The following TNFAIP6 variants were observed in gnomAD, a reference collection of about 807,000 sequenced individuals.
The protein encoded by TNFAIP6 is TNF alpha induced protein 6.
In TNFAIP6, 36 loss-of-function variants were observed where a neutral mutation model predicts 33.7. That is an observed-to-expected ratio of 1.07 (90% CI 0.82 to 1.41). TNFAIP6 has a LOEUF of 1.41. TNFAIP6 is among the 40% of genes most tolerant of loss of function. TNFAIP6 has a pLI of 0.00. For missense variants in TNFAIP6, 273 were observed against 331.9 expected, an observed-to-expected ratio of 0.82 and a Z score of 1.38; for synonymous variants, 113 against 112.8, an observed-to-expected ratio of 1.00 and a Z score of -0.01.
chr2:151,380,162 G>A (rs1417828147), downstream of TNFAIP6: 1 of 152,074 alleles, frequency 6.6e-6, no homozygotes, highest in Non-Finnish European at 1.5e-5. Flanking sequence ...AGGCCTCACT[G>A]TAGTTTGAAT....
At chr2:151,360,961 G>A (rs1233609745) in intron 1 of TNFAIP6, among the ~76,000 whole-genome samples, 1 of 152,062 alleles carries the variant, frequency 6.6e-6, no homozygotes, top group Non-Finnish European at 1.5e-5. Flanking sequence ...TAACAAACCT[G>A]CACATGTACC....
chr2:151,363,300 C>A, intron 1 of TNFAIP6, among the ~76,000 whole-genome samples: 1 of 150,822 alleles, frequency 6.6e-6, no homozygotes, highest in East Asian at 2.0e-4. Context: ...AGTGAGACTC[C>A]GTCTCACAAA....
At chr2:151,361,259 A>G (rs759705029) in intron 1 of TNFAIP6, among the ~76,000 whole-genome samples, 47 of 152,032 alleles carry the variant, frequency 3.1e-4, no homozygotes, top group Non-Finnish European at 4.0e-4. Flanking sequence ...TATTTTTAAT[A>G]GAGATGGGGT....
rs184021947 is a variant in TNFAIP6, at chr2:151,358,736, G to A, written c.94+976G>A. On this transcript the variant is annotated intron_variant, in intron 1 of 5. Transcript: ENST00000243347. ...TCTCTGGTAATAACTGCAACCATGC[G>A]GATTTCATTAAAAAGCCTAATTTGT... is the stretch of plus-strand genomic sequence containing the variant. Among the ~76,000 whole-genome samples the A allele has an allele frequency of 6.2e-3, 942 of 152,196 alleles. 4 individuals are homozygous for A. The highest frequency in any genetic ancestry group is 0.02 in the Middle Eastern group (6 of 294).
chr2:151,363,982 G>A lies in TNFAIP6; in HGVS notation c.134G>A (p.Gly45Asp), dbSNP rs148912042. 1.2e-6 allele frequency: 2 copies of A among 1,613,936 alleles called. No individual in the cohort carries two copies. Among genetic ancestry groups the A allele is most frequent in the African/African-American group, 1.3e-5 (1 of 74,908 alleles). Residue 45 changes from glycine (G) to aspartate (D), a missense_variant, in exon 2 of 6, where the codon GGC (glycine) becomes GAC (aspartate). Coordinates refer to ENST00000243347, the MANE Select transcript of TNFAIP6 (RefSeq NM_007115.4). ...GTGTACCACAGAGAAGCACGGTCTGGCAAATACAAGCTCACCTACGCAGAA... is the reference window on the plus strand; with the variant it reads ...GTGTACCACAGAGAAGCACGGTCTGACAAATACAAGCTCACCTACGCAGAA... ...AGVYHREARSGKYKLTYAEAK... is the reference protein window; with the variant it reads ...AGVYHREARSDKYKLTYAEAK...
chr2:151,381,133 A>G (rs947835724), downstream of TNFAIP6, among the ~76,000 whole-genome samples: 5 of 151,976 alleles, frequency 3.3e-5, no homozygotes, highest in African/African-American at 1.2e-4. Flanking sequence ...TTCTCCTTCC[A>G]TCTTCCCTCT....
chr2:151,360,206 A>G (rs3843342), intron 1 of TNFAIP6, among the ~76,000 whole-genome samples: 148,459 of 152,292 alleles, frequency 0.97, 72,473 homozygotes, highest in East Asian at 1. Flanking sequence ...GCTGAAGTGG[A>G]AGGATCACTT....
chr2:151,373,269 T>C (rs1201802465), intron 4 of TNFAIP6, among the ~76,000 whole-genome samples: 1 of 152,138 alleles, frequency 6.6e-6, no homozygotes, highest in Non-Finnish European at 1.5e-5. Flanking sequence ...GAGCCGAGAC[T>C]GCGCCACTGC....
At chr2:151,359,470 G>A (rs1684588122) in intron 1 of TNFAIP6, among the ~76,000 whole-genome samples, 1 of 147,592 alleles carries the variant, frequency 6.8e-6, no homozygotes, top group Admixed American at 6.9e-5. Context: ...CTCACTCCAA[G>A]CTCCGCCTCC....
At chr2:151,374,585 T>C (rs1181579281) in intron 5 of TNFAIP6, among the ~76,000 whole-genome samples, 1 of 152,184 alleles carries the variant, frequency 6.6e-6, no homozygotes, top group African/African-American at 2.4e-5. Flanking sequence ...CAATTCTAAT[T>C]TATTCGTCAT....
chr2:151,369,998 G>GT (rs746822731), intron 3 of TNFAIP6, 22 bp from the exon 4 acceptor site: 46 of 1,558,338 alleles, frequency 3.0e-5, no homozygotes, highest in Non-Finnish European at 3.6e-5. Flanking sequence ...GGGTTTTTAC[G>GT]TTTTTTTTCT....
chr2:151,364,811 G>A lies in TNFAIP6; in HGVS notation c.232+731G>A, dbSNP rs1021010529. 5.9e-5 allele frequency among the ~76,000 whole-genome samples: 9 copies of A among 152,144 alleles called. No homozygotes were observed. In the South Asian group the frequency reaches 6.2e-4, roughly 11 times the overall value. ...ATTACTCAAGAAAAAAAATAAGAGT[G>A]TTTTCTCAAATGCCCCAAAGCCTCC... On this transcript the variant is annotated intron_variant, in intron 2 of 5. Transcript: ENST00000243347.
chr2:151,359,592 G>C (rs191680858), intron 1 of TNFAIP6, among the ~76,000 whole-genome samples: 4 of 152,098 alleles, frequency 2.6e-5, no homozygotes, highest in African/African-American at 9.7e-5. Context: ...GTTTCACCAT[G>C]TTAGCCAGGG....
chr2:151,363,283 G>A (rs572116661), intron 1 of TNFAIP6, among the ~76,000 whole-genome samples: 4 of 151,754 alleles, frequency 2.6e-5, no homozygotes, highest in Admixed American at 2.6e-4. Flanking sequence ...ACCAGCCTGG[G>A]CGACAGAGTG....
intron 4 of TNFAIP6, 74 bp from the exon 5 acceptor site, chr2:151,373,475 A>G (rs1684849847): frequency 1.3e-6 from 1 of 770,572 alleles, no homozygotes; most frequent in African/African-American, 1.8e-5. Context: ...AGGCTTAATT[A>G]TCAGTAACAG....
At chr2:151,373,480 T>TA (rs1317047305) in intron 4 of TNFAIP6, 69 bp from the exon 5 acceptor site, 2 of 851,592 alleles carry the variant, frequency 2.3e-6, no homozygotes, top group African/African-American at 3.5e-5. Context: ...TAATTATCAG[T>TA]AACAGCCACT....
Position 151,379,556 on chromosome 2 carries a change from AAC to A in TNFAIP6, c.*29_*30del. On this transcript the variant is annotated 3_prime_UTR_variant, in exon 6 of 6. Transcript: ENST00000243347. ...TAAAAAAAAAAAAAAGGATGATCAA[AAC>A]ACACAGTGTTTATGTTGGAATCTTT... 6.7e-7 allele frequency: 1 copy of A among 1,495,360 alleles called. No homozygotes were observed. Among genetic ancestry groups the A allele is most frequent in the Admixed American group, 2.3e-5 (1 of 43,854 alleles). The allele number at this position is 1,495,360 out of a possible 1,614,324, so 92.6% of individuals were successfully genotyped here.
chr2:151,370,318 C>G (rs925703959), intron 4 of TNFAIP6, 70 bp downstream of exon 4: 1 of 1,106,744 alleles, frequency 9.0e-7, no homozygotes, highest in African/African-American at 1.6e-5. Context: ...CTTTAATTTT[C>G]CCTCAACTGT....
At chr2:151,369,123 G>A (rs1326085848) in intron 3 of TNFAIP6, among the ~76,000 whole-genome samples, 1 of 152,134 alleles carries the variant, frequency 6.6e-6, no homozygotes, top group Non-Finnish European at 1.5e-5. Context: ...AACAATTGCA[G>A]AGGCTACAGT....
Sources: gnomAD v4.1 joint callset for allele counts (sites outside exome capture counted in the v4.1 genomes callset) on GRCh38, gnomAD v4.1.1 for gene constraint, MANE v1.5 for transcripts, NCBI Gene and HGNC (gene_info 2026-07-23, HGNC 2026-07-21) for gene names.